The following RETREG1 variants were observed in gnomAD, a reference collection of about 807,000 sequenced individuals.
RETREG1 encodes the protein family with sequence similarity 134 member B.
RETREG1 carries 44 observed loss-of-function variants against 54.8 expected under a neutral mutation model. That is an observed-to-expected ratio of 0.80 (90% CI 0.63 to 1.03). RETREG1 has a LOEUF of 1.03. Ranked by LOEUF, RETREG1 falls within the 50% of genes least tolerant of loss-of-function variation. The pLI is 0.00. For missense variants in RETREG1, 554 were observed against 605.1 expected, an observed-to-expected ratio of 0.92 and a Z score of 0.89; for synonymous variants, 217 against 238.5, an observed-to-expected ratio of 0.91 and a Z score of 0.83.
intron 1 of RETREG1, among the ~76,000 whole-genome samples, chr5:16,609,094 C>A (rs758942232): frequency 2.6e-5 from 4 of 152,300 alleles, no homozygotes; most frequent in Non-Finnish European, 4.4e-5. Flanking sequence ...GTCCCACTAG[C>A]CACACTTCAC....
chr5:16,556,976 C>G (rs1446619882), intron 3 of RETREG1, among the ~76,000 whole-genome samples: 1 of 152,132 alleles, frequency 6.6e-6, no homozygotes, highest in Non-Finnish European at 1.5e-5. Flanking sequence ...AATACAGGCG[C>G]CCGCCACCAT....
At position 16,569,828 on chromosome 5, in the gene RETREG1, G is replaced by T. The variant is rs373345962; in HGVS notation, c.427+2168C>A. Among the ~76,000 whole-genome samples, 172 of 152,312 alleles carry T rather than the reference G, an allele frequency of 1.1e-3. 1 individual carries two copies. Among genetic ancestry groups the T allele is most frequent in the African/African-American group, 3.9e-3 (161 of 41,570 alleles). On this transcript the variant is annotated intron_variant, in intron 2 of 8. Transcript: ENST00000306320. Reference sequence around the variant, plus strand: ...ATCTAGGTAGGCCCCAAATGCAATCGTAAGTGTACTTACAAGAGGAAGATG... The same window carrying T: ...ATCTAGGTAGGCCCCAAATGCAATCTTAAGTGTACTTACAAGAGGAAGATG...
chr5:16,489,708 A>G (rs1352383334), intron 3 of RETREG1, among the ~76,000 whole-genome samples: 2 of 152,232 alleles, frequency 1.3e-5, no homozygotes, highest in Non-Finnish European at 2.9e-5. Flanking sequence ...GCCTGTAACC[A>G]ATAAGTTAAA....
intron 3 of RETREG1, among the ~76,000 whole-genome samples, chr5:16,525,687 C>T (rs1199850167): frequency 3.3e-5 from 5 of 152,010 alleles, no homozygotes; most frequent in Admixed American, 6.6e-5. Context: ...GATAGAGACT[C>T]GGCAGCACTG....
intron 3 of RETREG1, among the ~76,000 whole-genome samples, chr5:16,486,014 C>T (rs576059863): frequency 7.9e-5 from 12 of 152,250 alleles, no homozygotes; most frequent in Admixed American, 5.2e-4. Context: ...AATTATATTA[C>T]ATTTTTCCCT....
At position 16,581,560 on chromosome 5, in the gene RETREG1, CACACAAA is replaced by C. The variant is rs1200231520; in HGVS notation, c.321-9465_321-9459del. 1.4e-3 allele frequency among the ~76,000 whole-genome samples: 186 copies of C among 131,680 alleles called. 1 individual carries two copies. The highest frequency in any genetic ancestry group is 4.5e-3 in the African/African-American group (170 of 37,364). 86.4% of individuals were successfully genotyped at this position (131,680 alleles called of 152,430 possible). Reference sequence around the variant, plus strand: ...ACACACACACACACACACACACACACACACAAAACACACACACAGGACCACTGGCCCT... The same window carrying C: ...ACACACACACACACACACACACACACACACACACACAGGACCACTGGCCCT... On this transcript the variant is annotated intron_variant, in intron 1 of 8. Coordinates refer to ENST00000306320, the MANE Select transcript of RETREG1 (RefSeq NM_001034850.3).
intron 3 of RETREG1, among the ~76,000 whole-genome samples, chr5:16,537,192 C>T (rs957025260): frequency 8.5e-5 from 13 of 152,226 alleles, no homozygotes; most frequent in Non-Finnish European, 1.6e-4. Flanking sequence ...TTAATCCACA[C>T]TGCGACCTCC....
At chr5:16,612,589 G>A (rs554238294) in intron 1 of RETREG1, among the ~76,000 whole-genome samples, 3 of 152,194 alleles carry the variant, frequency 2.0e-5, no homozygotes, top group Non-Finnish European at 4.4e-5. Flanking sequence ...AAATGAGTGA[G>A]ATAGTATTAT....
intron 2 of RETREG1, among the ~76,000 whole-genome samples, chr5:16,570,456 G>A (rs1201820546): frequency 6.6e-6 from 1 of 152,146 alleles, no homozygotes; most frequent in African/African-American, 2.4e-5. Flanking sequence ...CCAGACTAGG[G>A]CCAAATTTGA....
chr5:16,510,822 A>AC (rs1561097248), intron 3 of RETREG1, among the ~76,000 whole-genome samples: 41 of 145,524 alleles, frequency 2.8e-4, no homozygotes, highest in African/African-American at 8.1e-4. Flanking sequence ...CAACAACAAA[A>AC]AAAAAAAAAA....
intron 3 of RETREG1, among the ~76,000 whole-genome samples, chr5:16,513,444 T>C (rs1333826566): frequency 6.6e-6 from 1 of 152,178 alleles, no homozygotes; most frequent in Non-Finnish European, 1.5e-5. Context: ...TTGCACACGT[T>C]TTAAACCAAA....
intron 3 of RETREG1, among the ~76,000 whole-genome samples, chr5:16,560,191 C>T (rs1192425231): frequency 6.6e-6 from 1 of 152,186 alleles, no homozygotes; most frequent in Non-Finnish European, 1.5e-5. Flanking sequence ...CTTTAAACAT[C>T]CAGAAAAACC....
At chr5:16,564,848 C>A (rs1389248402) in intron 3 of RETREG1, among the ~76,000 whole-genome samples, 1 of 152,176 alleles carries the variant, frequency 6.6e-6, no homozygotes, top group Admixed American at 6.5e-5. Context: ...CTGAAATAAG[C>A]CTTATTTGCA....
At chr5:16,578,742 A>C (rs1177343715) in intron 1 of RETREG1, among the ~76,000 whole-genome samples, 1 of 152,220 alleles carries the variant, frequency 6.6e-6, no homozygotes, top group African/African-American at 2.4e-5. Flanking sequence ...TGGGGGAGGC[A>C]GGGAATTCTG....
chr5:16,520,480 T>C (rs895190529), intron 3 of RETREG1, among the ~76,000 whole-genome samples: 1 of 151,902 alleles, frequency 6.6e-6, no homozygotes, highest in East Asian at 1.9e-4. Context: ...CAGGCACCCA[T>C]CACCACACTC....
chr5:16,478,722 A>T, intron 6 of RETREG1, 128 bp downstream of exon 6: 1 of 821,830 alleles, frequency 1.2e-6, no homozygotes, highest in Non-Finnish European at 2.0e-6. Context: ...ACTTTGAGGG[A>T]GATTAGCTTC....
intron 1 of RETREG1, among the ~76,000 whole-genome samples, chr5:16,581,369 C>G (rs1382785672): frequency 6.6e-6 from 1 of 152,166 alleles, no homozygotes; most frequent in Non-Finnish European, 1.5e-5. Context: ...GAGCATTCAT[C>G]CCCAAGTGAC....
chr5:16,577,773 G>A lies in RETREG1; in HGVS notation c.321-5671C>T, dbSNP rs1035819196. ...GGGCGGTTTCTCCCATACTGTTCTC[G>A]TGGGAGTGAGTAAGTCTCACGAGAT... On this transcript the variant is annotated intron_variant, in intron 1 of 8. Coordinates refer to ENST00000306320, the MANE Select transcript of RETREG1 (RefSeq NM_001034850.3). Among the ~76,000 whole-genome samples, 5 of 152,186 alleles carry A rather than the reference G, an allele frequency of 3.3e-5. No individual in the cohort carries two copies. In the East Asian group the frequency reaches 9.7e-4, roughly 29 times the overall value.
At chr5:16,578,831 C>G (rs1742410031) in intron 1 of RETREG1, among the ~76,000 whole-genome samples, 1 of 152,190 alleles carries the variant, frequency 6.6e-6, no homozygotes, top group Admixed American at 6.5e-5. Context: ...CCAGCCTTCC[C>G]CCTGCAAAGC....
Sources: gnomAD v4.1 joint callset for allele counts (sites outside exome capture counted in the v4.1 genomes callset) on GRCh38, gnomAD v4.1.1 for gene constraint, MANE v1.5 for transcripts, NCBI Gene and HGNC (gene_info 2026-07-23, HGNC 2026-07-21) for gene names.